The following LAMA5 variants were observed in gnomAD, a reference collection of about 807,000 sequenced individuals.
LAMA5 encodes the protein laminin subunit alpha-5.
LAMA5 carries 260 observed loss-of-function variants against 433.4 expected under a neutral mutation model. The ratio of observed to expected loss-of-function variants is 0.60; its 90% confidence interval spans 0.54 to 0.66. The LOEUF is 0.66. LAMA5 is among the 30% of genes least tolerant of loss of function. The probability of loss-of-function intolerance (pLI) is 0.00; values close to 1 mark genes in which losing one functional copy is unlikely to be tolerated. For missense variants in LAMA5, 5,378 were observed against 5,258.5 expected, an observed-to-expected ratio of 1.02 and a Z score of -0.70; for synonymous variants, 2,620 against 2,226.6, an observed-to-expected ratio of 1.18 and a Z score of -4.97.
intron 63 of LAMA5, 34 bp downstream of exon 63, chr20:62,313,615 C>G (rs1308341425): frequency 1.2e-6 from 2 of 1,609,598 alleles, no homozygotes; most frequent in Non-Finnish European, 1.7e-6. Flanking sequence ...GCTGCGGAGC[C>G]CCTCCCAGGC....
At position 62,351,690 on chromosome 20, in the gene LAMA5, G is replaced by C. The variant is rs745676679; in HGVS notation, c.956+14C>G. The C allele has an allele frequency of 6.3e-7, 1 of 1,595,384 alleles. No homozygotes were observed. Among genetic ancestry groups the C allele is most frequent in the Admixed American group, 1.7e-5 (1 of 58,802 alleles). ...GCCTCACCTGAACGGGGCCTCACCT[G>C]AATGGGGCCTCACCTGAACGGGTCC... On this transcript the variant is annotated intron_variant, in intron 6 of 79. Coordinates refer to ENST00000252999, the MANE Select transcript of LAMA5 (RefSeq NM_005560.6).
chr20:62,366,874 T>G, intron 1 of LAMA5, 75 bp downstream of exon 1: 1 of 1,217,444 alleles, frequency 8.2e-7, no homozygotes, highest in Non-Finnish European at 1.0e-6. Flanking sequence ...GCCACGGCGC[T>G]CCCCCTGGGG....
chr20:62,351,631 AG>A, intron 6 of LAMA5, 72 bp downstream of exon 6: 1 of 1,438,420 alleles, frequency 7.0e-7, no homozygotes, highest in Non-Finnish European at 9.6e-7. Flanking sequence ...CAGGTTAGGC[AG>A]GGGTGACAAG....
In LAMA5 at chr20:62,310,796, G is replaced by A. The variant is rs2146032050; in HGVS notation, c.10315C>T (p.Leu3439=). The A allele has an allele frequency of 2.6e-6, 4 of 1,553,662 alleles. No individual in the cohort carries two copies. Among genetic ancestry groups the A allele is most frequent in the East Asian group, 2.3e-5 (1 of 43,776 alleles). The change falls in exon 75 of 80, where the codon CTG becomes TTG. Residue 3439 remains leucine (L), a synonymous_variant. Transcript: ENST00000252999. ...CAGGCCCGGGCCCCGTCCGTCACCAGCAGGATCCGGTTCTTCTCCCAGCGC... is the reference window on the plus strand; with the variant it reads ...CAGGCCCGGGCCCCGTCCGTCACCAACAGGATCCGGTTCTTCTCCCAGCGC... ...SVRWEKNRIL[L]VTDGARAWSQ...
Position 62,345,857 on chromosome 20 carries a change from C to T in LAMA5, c.1438G>A (p.Asp480Asn). ...SCYPTPSSSN[D>N]TREQVLPAGQ... ...GCTGGCAGCACCTGCTCCCTGGTGT[C>T]ATTGGAGGACGAGGGCGTCGCTGAG... The change falls in exon 11 of 80, where the codon GAC becomes AAC. Residue 480 changes from aspartate (D) to asparagine (N), a missense_variant. Physicochemically the swap from Asp to Asn is conservative, Grantham distance 23. Coordinates refer to ENST00000252999, the MANE Select transcript of LAMA5 (RefSeq NM_005560.6). The T allele has an allele frequency of 6.4e-7, 1 of 1,552,968 alleles. No homozygotes were observed. Among genetic ancestry groups the T allele is most frequent in the Non-Finnish European group, 8.7e-7 (1 of 1,148,064 alleles).
chr20:62,337,127 G>A (rs1289393034), intron 16 of LAMA5: 8 of 572,666 alleles, frequency 1.4e-5, no homozygotes, highest in Admixed American at 4.4e-5. Context: ...ACACCCACAC[G>A]CCCGTGAAAG....
Position 62,330,779 on chromosome 20 carries a change from G to A in LAMA5, c.3816C>T (p.Asp1272=). ...GPRPRPPTAV[D]PDAEPTLLRE... ...GCAGCAGGGTGGGCTCTGCATCAGG[G>A]TCCACAGCGGTGGGGGGCCGAGGTC... is the stretch of plus-strand genomic sequence containing the variant. The change falls in exon 30 of 80, where the codon GAC becomes GAT. Residue 1272 remains aspartate, a synonymous_variant. Transcript: ENST00000252999. 6.4e-7 allele frequency: 1 copy of A among 1,563,598 alleles called. No homozygotes were observed.
In LAMA5 at chr20:62,330,988, G is replaced by A. The variant is rs775305411; in HGVS notation, c.3650+44C>T. ...GTGAGTCAGAGCCGGCCCTGCCGCCGGGCCCTCGGCCGCGCCCCTCCCAGC... is the reference window on the plus strand; with the variant it reads ...GTGAGTCAGAGCCGGCCCTGCCGCCAGGCCCTCGGCCGCGCCCCTCCCAGC... On this transcript the variant is annotated intron_variant, in intron 29 of 79. Coordinates refer to ENST00000252999, the MANE Select transcript of LAMA5 (RefSeq NM_005560.6). 4.0e-5 allele frequency: 63 copies of A among 1,570,924 alleles called. 1 individual carries two copies. The highest frequency in any genetic ancestry group is 5.0e-5 in the Non-Finnish European group (58 of 1,158,270).
Position 62,345,815 on chromosome 20 carries a change from TACTC to T in LAMA5, c.1476_1477+2del, listed in dbSNP as rs1247133798. 2.6e-6 allele frequency: 4 copies of T among 1,550,400 alleles called. No individual in the cohort carries two copies. Among genetic ancestry groups the T allele is most frequent in the East Asian group, 2.4e-5 (1 of 40,962 alleles). On this transcript the variant is annotated splice_donor_variant and coding_sequence_variant, in exon 11 of 80. Coordinates refer to ENST00000252999, the MANE Select transcript of LAMA5 (RefSeq NM_005560.6). LOFTEE classifies it high-confidence loss of function. ...GGGACCTGGGGGCCTCAAGGACACTTACTCACAATCTGGCCGGCTGGCAGCACCT... is the reference window on the plus strand; with the variant it reads ...GGGACCTGGGGGCCTCAAGGACACTTACAATCTGGCCGGCTGGCAGCACCT...
chr20:62,327,596 C>T lies in LAMA5; in HGVS notation c.4871G>A (p.Gly1624Asp). ...CCCAAAGCAGAAGCAGCGGGTGCAA[C>T]CTTTGGGGTTGGCAGCATCCAGTGA... ...TFSLDAANPK[G>D]CTRCFCFGAT... Residue 1624 changes from glycine (G) to aspartate (D), a missense_variant, in exon 37 of 80, where the codon GGT becomes GAT. By Grantham distance (94) the Gly-to-Asp change is moderately conservative. Coordinates refer to ENST00000252999, the MANE Select transcript of LAMA5 (RefSeq NM_005560.6). The T allele has an allele frequency of 6.2e-7, 1 of 1,613,012 alleles. No individual in the cohort carries two copies. Among genetic ancestry groups the T allele is most frequent in the Non-Finnish European group, 8.5e-7 (1 of 1,180,010 alleles).
intron 2 of LAMA5, among the ~76,000 whole-genome samples, chr20:62,357,011 G>A (rs1601422442): frequency 6.6e-6 from 1 of 152,326 alleles, no homozygotes; most frequent in East Asian, 1.9e-4. Context: ...AACTCTGGTG[G>A]GGCTTTCGGG....
At chr20:62,321,193 G>C (rs1399837770) in intron 48 of LAMA5, among the ~76,000 whole-genome samples, 2 of 119,034 alleles carry the variant, frequency 1.7e-5, no homozygotes, top group Non-Finnish European at 1.8e-5. Context: ...CAGTGAAGGG[G>C]TGGGGCCAGT....
rs756235294 is a variant in LAMA5 at position 62,335,036 on chromosome 20, A to G, written c.2467T>C (p.Tyr823His). 3.1e-6 allele frequency: 5 copies of G among 1,612,770 alleles called. No homozygotes were observed. Among genetic ancestry groups the G allele is most frequent in the Non-Finnish European group, 4.2e-6 (5 of 1,179,598 alleles). ...GGGCACTCACTGCGGCAGCCAAAAT[A>G]GTCAGCCTGATCCAGTCCAAAGAAG... is the stretch of plus-strand genomic sequence containing the variant. ...DGFFGLDQAD[Y>H]FGCRSCRCDI... is the part of the protein sequence containing the mutation. The change falls in exon 20 of 80, where the codon TAT becomes CAT. Residue 823 changes from tyrosine to histidine, a missense_variant. Tyr to His is a moderately conservative substitution (Grantham distance 83, BLOSUM62 2). Coordinates refer to ENST00000252999, the MANE Select transcript of LAMA5 (RefSeq NM_005560.6).
At chr20:62,346,292 A>C (rs1601394026) in intron 9 of LAMA5, 77 bp from the exon 10 acceptor site, 1 of 1,529,396 alleles carries the variant, frequency 6.5e-7, no homozygotes, top group Non-Finnish European at 8.8e-7. Flanking sequence ...GGCAGTCTCT[A>C]CCTCCCCAGC....
chr20:62,353,350 G>A, intron 2 of LAMA5, 99 bp from the exon 3 acceptor site: 1 of 842,150 alleles, frequency 1.2e-6, no homozygotes, highest in Non-Finnish European at 1.9e-6. Flanking sequence ...GGCCACAGCA[G>A]GGGATGTGGC....
At chr20:62,322,246 T>C in intron 47 of LAMA5, 23 bp downstream of exon 47, 1 of 1,571,746 alleles carries the variant, frequency 6.4e-7, no homozygotes, top group Non-Finnish European at 8.6e-7. Flanking sequence ...CCATCCGCCC[T>C]CCTGTGACCG....
Position 62,322,116 on chromosome 20 carries a change from G to C in LAMA5, c.6399C>G (p.Cys2133Trp), listed in dbSNP as rs760843792. Reference protein sequence around the residue: ...RCDPHTGRCNCPPGLSGERCD... With the variant: ...RCDPHTGRCNWPPGLSGERCD... The stretch of plus-strand genomic sequence containing the variant: ...AGCGCTCCCCGCTGAGCCCCGGGGG[G>C]CAGTTGCAGCGGCCCGTGTGAGGGT... The change falls in exon 48 of 80, where the codon TGC (cysteine) becomes TGG (tryptophan). Residue 2133 changes from cysteine to tryptophan, a missense_variant. By Grantham distance (215) the Cys-to-Trp change is radical. Coordinates refer to ENST00000252999, the MANE Select transcript of LAMA5 (RefSeq NM_005560.6). 9.4e-6 allele frequency: 15 copies of C among 1,603,108 alleles called. No homozygotes were observed. In the Admixed American group the frequency reaches 2.3e-4, roughly 25 times the overall value.
At chr20:62,357,160 G>T (rs959578887) in intron 2 of LAMA5, among the ~76,000 whole-genome samples, 1 of 152,178 alleles carries the variant, frequency 6.6e-6, no homozygotes, top group African/African-American at 2.4e-5. Flanking sequence ...GCTCTGCCCT[G>T]ACCCATCTTG....
In LAMA5 at chr20:62,367,038, C is replaced by G; in HGVS notation, c.208G>C (p.Ala70Pro). The G allele has an allele frequency of 8.0e-7, 1 of 1,256,736 alleles. No homozygotes were observed. Among genetic ancestry groups the G allele is most frequent in the Non-Finnish European group, 9.9e-7 (1 of 1,007,906 alleles). The allele number at this position is 1,256,736 out of a possible 1,614,324, so 77.8% of individuals were successfully genotyped here. A position where few individuals can be genotyped will look rare whatever the true frequency, so the allele number is the denominator to read the frequency against. The change falls in exon 1 of 80, where the codon GCG (alanine) becomes CCG (proline). Residue 70 changes from alanine (A) to proline (P), a missense_variant. Physicochemically the swap from Ala to Pro is conservative, Grantham distance 27. Transcript: ENST00000252999. ...ASATCGEEAP[A>P]RGSPRPTEDL... is the part of the protein sequence containing the mutation. ...TCGGTGGGGCGCGGGGAGCCGCGCG[C>G]CGGGGCCTCCTCTCCGCAGGTCGCG... is the stretch of plus-strand genomic sequence containing the variant.
Sources: gnomAD v4.1 joint callset for allele counts (sites outside exome capture counted in the v4.1 genomes callset) on GRCh38, gnomAD v4.1.1 for gene constraint, MANE v1.5 for transcripts, NCBI Gene and HGNC (gene_info 2026-07-23, HGNC 2026-07-21) for gene names.